BMAL1: variants seen among roughly 807,000 people sequenced by gnomAD.
BMAL1 encodes basic helix-loop-helix ARNT-like protein 1.
At chr11:13,297,019 T>C in the BMAL1 span, among the ~76,000 whole-genome samples, 21,626 of 152,256 alleles carry the variant, frequency 0.14, 1,720 homozygotes, top group East Asian at 0.3. Context: ...TGCTGCAGTC[T>C]CTACAGCCCA....
the BMAL1 span, among the ~76,000 whole-genome samples, chr11:13,377,798 G>A: frequency 6.6e-6 from 1 of 152,156 alleles, no homozygotes; most frequent in Non-Finnish European, 1.5e-5. Context: ...CTGCCTCAGT[G>A]CTCCTGCACG....
chr11:13,374,045 A>G, the BMAL1 span: 2 of 1,555,290 alleles, frequency 1.3e-6, no homozygotes, highest in Non-Finnish European at 1.8e-6. Context: ...GTTGCAATTA[A>G]TCATCTGAAT....
the BMAL1 span, chr11:13,369,713 C>A: frequency 6.2e-7 from 1 of 1,614,018 alleles, no homozygotes; most frequent in African/African-American, 1.3e-5. Context: ...GTGTAACAGG[C>A]CTTCAGTAAA....
chr11:13,365,322 A>ACACACACACACACACAC, the BMAL1 span: 1 of 309,484 alleles, frequency 3.2e-6, no homozygotes, highest in South Asian at 3.4e-5. Flanking sequence ...CACACACACA[A>ACACACACACACACACAC]TCTTACAGTT....
At chr11:13,359,268 T>G in the BMAL1 span, among the ~76,000 whole-genome samples, 2 of 152,334 alleles carry the variant, frequency 1.3e-5, no homozygotes, top group South Asian at 2.1e-4. Context: ...GAATTTTCCA[T>G]AGCTAGTCTT....
chr11:13,352,602 C>T, the BMAL1 span, among the ~76,000 whole-genome samples: 12 of 152,260 alleles, frequency 7.9e-5, no homozygotes, highest in East Asian at 3.9e-4. Flanking sequence ...ACGTGTGTCC[C>T]GTTTTGACCT....
chr11:13,378,456 C>T, the BMAL1 span: 51 of 1,604,680 alleles, frequency 3.2e-5, no homozygotes, highest in South Asian at 3.8e-4. Context: ...GCAAGTAACA[C>T]CTTCTAGTTC....
the BMAL1 span, chr11:13,381,154 C>G: frequency 6.2e-7 from 1 of 1,613,966 alleles, no homozygotes; most frequent in Non-Finnish European, 8.5e-7. Context: ...ATTCTCTTTT[C>G]TGACAGGATA....
the BMAL1 span, among the ~76,000 whole-genome samples, chr11:13,315,456 G>T: frequency 0.013 from 2,011 of 152,292 alleles, 12 homozygotes; most frequent in African/African-American, 0.028. Flanking sequence ...TAGCTACTTT[G>T]TATTAGGGGC....
the BMAL1 span, among the ~76,000 whole-genome samples, chr11:13,347,536 A>G: frequency 6.6e-6 from 1 of 151,914 alleles, no homozygotes; most frequent in Non-Finnish European, 1.5e-5. Context: ...TGAAATTTGG[A>G]TCCTTCATCT....
the BMAL1 span, chr11:13,355,346 TG>T: frequency 6.4e-7 from 1 of 1,573,794 alleles, no homozygotes; most frequent in Non-Finnish European, 8.7e-7. Flanking sequence ...GGCTGGAGAG[TG>T]GGTATGAGGG....
At chr11:13,300,109 C>G in the BMAL1 span, among the ~76,000 whole-genome samples, 5 of 152,292 alleles carry the variant, frequency 3.3e-5, no homozygotes, top group Admixed American at 3.3e-4. Flanking sequence ...TATGGCCTCT[C>G]TACTCTTAAC....
chr11:13,282,008 A>G, the BMAL1 span, among the ~76,000 whole-genome samples: 48 of 152,096 alleles, frequency 3.2e-4, no homozygotes, highest in Non-Finnish European at 5.6e-4. Context: ...TTCTGCTAGC[A>G]GGTCCGTTGT....
the BMAL1 span, among the ~76,000 whole-genome samples, chr11:13,315,702 G>T: frequency 6.6e-6 from 1 of 152,192 alleles, no homozygotes; most frequent in Admixed American, 6.5e-5. Flanking sequence ...GTGGTTATTT[G>T]ATTAATGAAT....
At chr11:13,330,041 C>T in the BMAL1 span, among the ~76,000 whole-genome samples, 3 of 152,188 alleles carry the variant, frequency 2.0e-5, no homozygotes, top group African/African-American at 7.2e-5. Flanking sequence ...CTTAGGCAGA[C>T]GGACAGATGG....
the BMAL1 span, among the ~76,000 whole-genome samples, chr11:13,359,331 G>A: frequency 4.6e-5 from 7 of 152,208 alleles, no homozygotes; most frequent in East Asian, 1.9e-4. Flanking sequence ...TCTGACCTGC[G>A]TGGTAGAAGA....
At chr11:13,280,892 C>T in the BMAL1 span, among the ~76,000 whole-genome samples, 21 of 152,318 alleles carry the variant, frequency 1.4e-4, no homozygotes, top group East Asian at 4.0e-3. Context: ...TCCTCTGTTC[C>T]TTTTCTTGGC....
the BMAL1 span, among the ~76,000 whole-genome samples, chr11:13,302,235 T>C: frequency 6.6e-6 from 1 of 151,964 alleles, no homozygotes; most frequent in Non-Finnish European, 1.5e-5. Flanking sequence ...GAGGAATAGG[T>C]CTGGGCTGAG....
chr11:13,339,735 T>C, the BMAL1 span, among the ~76,000 whole-genome samples: 1 of 152,140 alleles, frequency 6.6e-6, no homozygotes, highest in African/African-American at 2.4e-5. Context: ...TCCAGCCTCC[T>C]TGGGGCCTTT....
Sources: allele counts gnomAD v4.1 joint callset (sites outside exome capture counted in the v4.1 genomes callset), GRCh38; gene constraint gnomAD v4.1.1; transcripts MANE v1.5; gene names NCBI Gene and HGNC (gene_info 2026-07-23, HGNC 2026-07-21).